The following DOCK1 variants were observed in gnomAD, a reference collection of about 807,000 sequenced individuals.
DOCK1 encodes dedicator of cytokinesis protein 1.
Under a neutral mutation model 262.7 loss-of-function variants are expected in DOCK1, and 138 were observed. The observed-to-expected ratio is 0.53, with a 90% CI of 0.46 to 0.61. The LOEUF (loss-of-function observed/expected upper bound fraction) is 0.61, where lower values mean the gene tolerates loss of function less well. Ranked by LOEUF, DOCK1 falls within the 20% of genes least tolerant of loss-of-function variation. The pLI, the probability that DOCK1 is intolerant of heterozygous loss-of-function variation, is 0.00. For missense variants in DOCK1, 1,908 were observed against 2,370.7 expected (o/e 0.80, Z 4.05); for synonymous variants, 866 against 867.4 (o/e 1.00, Z 0.03).
rs2067690250 is a variant in DOCK1, at chr10:127,409,033, T to C, written c.4123-4T>C. The C allele has an allele frequency of 6.3e-7, 1 of 1,578,198 alleles. No individual in the cohort carries two copies. Among genetic ancestry groups the C allele is most frequent in the Non-Finnish European group, 8.6e-7 (1 of 1,160,760 alleles). ...TGTTATGAAATGAATGTCACCCTTT[T>C]CAGGGAAAAGTTTTCATTTACCGAG... On this transcript the variant is annotated splice_region_variant and splice_polypyrimidine_tract_variant and intron_variant, in intron 40 of 51. Coordinates refer to ENST00000623213, the MANE Select transcript of DOCK1 (RefSeq NM_001290223.2).
intron 47 of DOCK1, among the ~76,000 whole-genome samples, chr10:127,429,476 T>G (rs896087519): frequency 3.3e-5 from 5 of 152,168 alleles, no homozygotes; most frequent in Non-Finnish European, 7.4e-5. Context: ...AAAAGCAATC[T>G]AGTATCACCC....
At chr10:127,380,251 T>C in intron 36 of DOCK1, 129 bp downstream of exon 36, 3 of 736,680 alleles carry the variant, frequency 4.1e-6, no homozygotes, top group Non-Finnish European at 6.3e-6. Flanking sequence ...ACGTATAAGG[T>C]AGAGTTTGGT....
chr10:127,263,165 CTACT>C (rs2060233890), intron 29 of DOCK1, among the ~76,000 whole-genome samples: 1 of 152,192 alleles, frequency 6.6e-6, no homozygotes, highest in African/African-American at 2.4e-5. Flanking sequence ...CATTACATTG[CTACT>C]TACTTTCTTC....
chr10:127,409,396 T>G lies in DOCK1; in HGVS notation c.4343+5T>G, dbSNP rs758006474. ...AGTGTCAGAGCAGATTGTAAGGTAA[T>G]AATCCCATTTTTCTTACCCAACGTG... On this transcript the variant is annotated splice_donor_5th_base_variant and intron_variant, in intron 42 of 51. Transcript: ENST00000623213. The G allele has an allele frequency of 6.2e-7, 1 of 1,613,906 alleles. No homozygotes were observed. Among genetic ancestry groups the G allele is most frequent in the East Asian group, 2.2e-5 (1 of 44,880 alleles).
At chr10:127,029,201 G>A (rs1203030512) in intron 16 of DOCK1, among the ~76,000 whole-genome samples, 2 of 152,214 alleles carry the variant, frequency 1.3e-5, no homozygotes, top group African/African-American at 4.8e-5. Context: ...TTGGAAACAT[G>A]TTGAGCATCG....
intron 31 of DOCK1, among the ~76,000 whole-genome samples, chr10:127,350,406 G>T (rs527965416): frequency 6.6e-6 from 1 of 152,040 alleles, no homozygotes; most frequent in Non-Finnish European, 1.5e-5. Context: ...GGGCCTTGGC[G>T]CCTGCTGGTC....
At chr10:126,930,614 T>C (rs1047153994) in intron 1 of DOCK1, among the ~76,000 whole-genome samples, 5 of 152,170 alleles carry the variant, frequency 3.3e-5, no homozygotes, top group Non-Finnish European at 7.3e-5. Flanking sequence ...CTTGTGAGAC[T>C]GGAGATTCTG....
At chr10:127,358,256 G>A (rs554191125) in intron 32 of DOCK1, among the ~76,000 whole-genome samples, 1 of 152,222 alleles carries the variant, frequency 6.6e-6, no homozygotes, top group South Asian at 2.1e-4. Flanking sequence ...CAGCCTCAGA[G>A]CAAGGATCTG....
intron 1 of DOCK1, among the ~76,000 whole-genome samples, chr10:126,935,458 A>G (rs2034501730): frequency 6.6e-6 from 1 of 152,134 alleles, no homozygotes; most frequent in South Asian, 2.1e-4. Context: ...TTGTTCTTTA[A>G]AGGCCCAGTG....
Position 127,024,775 on chromosome 10 carries a change from A to C in DOCK1, c.1543A>C (p.Thr515Pro). 6.2e-7 allele frequency: 1 copy of C among 1,607,490 alleles called. No individual in the cohort carries two copies. Among genetic ancestry groups the C allele is most frequent in the Non-Finnish European group, 8.5e-7 (1 of 1,176,602 alleles). Residue 515 changes from threonine to proline, a missense_variant, in exon 15 of 52, where the codon ACT becomes CCT. Thr to Pro is a conservative substitution (Grantham distance 38, BLOSUM62 -1). Coordinates refer to ENST00000623213, the MANE Select transcript of DOCK1 (RefSeq NM_001290223.2). The part of the protein sequence containing the change: ...YQVKQPRWFE[T>P]VKVAIPIEDV... ...AGTAAAGCAGCCACGCTGGTTTGAGACTGTTAAGGTATTATTTACATGGTC... is the reference window on the plus strand; with the variant it reads ...AGTAAAGCAGCCACGCTGGTTTGAGCCTGTTAAGGTATTATTTACATGGTC...
At position 127,176,517 on chromosome 10, in the gene DOCK1, G is replaced by A; in HGVS notation, c.2847+48753G>A. The A allele has an allele frequency of 2.4e-6, 2 of 829,126 alleles. No individual in the cohort carries two copies. Among genetic ancestry groups the A allele is most frequent in the Non-Finnish European group, 3.7e-6 (2 of 537,714 alleles). 51.4% of individuals were successfully genotyped at this position (829,126 alleles called of 1,614,324 possible). On this transcript the variant is annotated intron_variant, in intron 27 of 51. Coordinates refer to ENST00000623213, the MANE Select transcript of DOCK1 (RefSeq NM_001290223.2). This position sits in a 1 kb window ranked among gnomAD's most constrained non-coding sequence, Gnocchi z 4.4. ...CCTGTTTCCTAATTATATTTAAGCAGGTGAGGTCGGCCTTTATGTTAAGGA... is the reference window on the plus strand; with the variant it reads ...CCTGTTTCCTAATTATATTTAAGCAAGTGAGGTCGGCCTTTATGTTAAGGA...
Position 127,437,051 on chromosome 10 carries a change from T to G in DOCK1, c.5061-1976T>G, listed in dbSNP as rs1170719381. On this transcript the variant is annotated intron_variant, in intron 48 of 51. Coordinates refer to ENST00000623213, the MANE Select transcript of DOCK1 (RefSeq NM_001290223.2). The surrounding 1 kb of genome is among the most constrained non-coding windows in gnomAD (Gnocchi z 4.4). ...CCTATCGCATTGTTTAATTCGCGTC[T>G]CGATTCTCCATATTCCCTGCATATT... Among the ~76,000 whole-genome samples, 1 of 152,240 alleles carries G rather than the reference T, an allele frequency of 6.6e-6. No homozygotes were observed. Among genetic ancestry groups the G allele is most frequent in the Admixed American group, 6.5e-5 (1 of 15,284 alleles).
At chr10:127,443,683 T>C (rs113578382) in intron 49 of DOCK1, among the ~76,000 whole-genome samples, 5,375 of 152,234 alleles carry the variant, frequency 0.035, 295 homozygotes, top group African/African-American at 0.12. Context: ...ACATACTGTG[T>C]GTGTGTATCT....
In DOCK1 at chr10:127,261,211, ATGTGTGTGCATG is replaced by A. The variant is rs1179650777; in HGVS notation, c.3044+3785_3044+3796del. Among the ~76,000 whole-genome samples, 211 of 27,450 alleles carry A rather than the reference ATGTGTGTGCATG, an allele frequency of 7.7e-3. 4 individuals carry two copies. The highest frequency in any genetic ancestry group is 0.025 in the African/African-American group (192 of 7,660). 18.0% of individuals were successfully genotyped at this position (27,450 alleles called of 152,430 possible). ...CATGCGGGTGTGTGTGTGTACCTGC[ATGTGTGTGCATG>A]TGGGTGTGCGTGTGTGTACCTGCAT... On this transcript the variant is annotated intron_variant, in intron 29 of 51. Coordinates refer to ENST00000623213, the MANE Select transcript of DOCK1 (RefSeq NM_001290223.2).
intron 1 of DOCK1, among the ~76,000 whole-genome samples, chr10:126,959,568 G>A (rs1034988900): frequency 0.013 from 1,963 of 152,298 alleles, 34 homozygotes; most frequent in Non-Finnish European, 0.014. Context: ...ACCCTCTGAC[G>A]TGCCAGGCTG....
intron 46 of DOCK1, among the ~76,000 whole-genome samples, chr10:127,424,332 A>G (rs531749105): frequency 4.7e-4 from 71 of 152,338 alleles, no homozygotes; most frequent in African/African-American, 1.7e-3. Flanking sequence ...CTTAACTCTC[A>G]TCTGACAAGT....
intron 1 of DOCK1, among the ~76,000 whole-genome samples, chr10:126,949,002 C>G (rs1173729837): frequency 2.6e-5 from 4 of 152,128 alleles, no homozygotes. Flanking sequence ...ACCCTGTTCC[C>G]TTTGTAACTG....
intron 1 of DOCK1, among the ~76,000 whole-genome samples, chr10:126,906,368 G>A (rs1051758278): frequency 6.6e-6 from 1 of 152,178 alleles, no homozygotes; most frequent in African/African-American, 2.4e-5. Flanking sequence ...GCATCCTTGC[G>A]CCCCGGGGAC....
intron 23 of DOCK1, among the ~76,000 whole-genome samples, chr10:127,072,851 G>A (rs73374723): frequency 0.015 from 2,258 of 152,280 alleles, 55 homozygotes; most frequent in African/African-American, 0.051. Flanking sequence ...AAGTCTGTGC[G>A]TCTTAATAGC....
Sources: gnomAD v4.1 joint callset for allele counts (sites outside exome capture counted in the v4.1 genomes callset) on GRCh38, gnomAD v4.1.1 for gene constraint, Gnocchi (gnomAD v3.1) non-coding constraint, MANE v1.5 for transcripts, NCBI Gene and HGNC (gene_info 2026-07-23, HGNC 2026-07-21) for gene names.